The following AP4E1 variants were observed in gnomAD, a reference collection of about 807,000 sequenced individuals.
AP4E1 encodes the protein AP-4 complex subunit epsilon-1.
A neutral mutation model predicts 128.2 loss-of-function variants in AP4E1; 56 were observed. The observed-to-expected ratio is 0.44, with a 90% CI of 0.35 to 0.55. The LOEUF is 0.55. Ranked by LOEUF, AP4E1 falls within the 20% of genes least tolerant of loss-of-function variation. The pLI is 0.00. For missense variants in AP4E1, 1,324 were observed against 1,307.7 expected (o/e 1.01, Z -0.19); for synonymous variants, 484 against 473.1 (o/e 1.02, Z -0.30).
intron 8 of AP4E1, among the ~76,000 whole-genome samples, chr15:50,935,283 T>G (rs2063892763): frequency 6.6e-6 from 1 of 151,750 alleles, no homozygotes; most frequent in Admixed American, 6.6e-5. Context: ...GAGAAAGAAA[T>G]ATTTAAGAAG....
chr15:50,980,385 G>A (rs2064626916), intron 15 of AP4E1, among the ~76,000 whole-genome samples: 2 of 152,176 alleles, frequency 1.3e-5, no homozygotes, highest in Admixed American at 6.5e-5. Flanking sequence ...TATTGAAGGA[G>A]CTGTATGGCT....
chr15:50,986,271 C>T (rs1595573607), intron 16 of AP4E1, among the ~76,000 whole-genome samples: 2 of 152,282 alleles, frequency 1.3e-5, no homozygotes, highest in East Asian at 3.9e-4. Context: ...AATTTGACTT[C>T]CTCTTTTCCT....
intron 15 of AP4E1, among the ~76,000 whole-genome samples, chr15:50,976,514 G>C (rs779186113): frequency 4.6e-5 from 7 of 152,162 alleles, no homozygotes; most frequent in Non-Finnish European, 7.3e-5. Context: ...AGTCAACACA[G>C]TACTGGAAGT....
chr15:50,908,593 C>G (rs139243461), upstream of AP4E1: 24,222 of 728,774 alleles, frequency 0.033, 450 homozygotes, highest in Non-Finnish European at 0.036. Flanking sequence ...CCCCCGCGGT[C>G]TCTTGCGCCC....
intron 3 of AP4E1, among the ~76,000 whole-genome samples, chr15:50,917,396 T>C (rs1232975064): frequency 6.6e-6 from 1 of 152,230 alleles, no homozygotes; most frequent in Non-Finnish European, 1.5e-5. Context: ...CTGTTCTGCT[T>C]CTCAATTTCT....
At chr15:50,990,344 T>TTTATTATTA (rs67379169) in intron 16 of AP4E1, among the ~76,000 whole-genome samples, 21,589 of 140,938 alleles carry the variant, frequency 0.15, 1,733 homozygotes, top group Middle Eastern at 0.17. Context: ...ATTTATTTAA[T>TTTATTATTA]TTATTATTAT....
chr15:50,918,292 T>C (rs1341884092), intron 3 of AP4E1, among the ~76,000 whole-genome samples: 1 of 152,164 alleles, frequency 6.6e-6, no homozygotes, highest in Non-Finnish European at 1.5e-5. Flanking sequence ...CCTGGGAACC[T>C]GTTTAAATAT....
At chr15:50,923,838 A>G (rs925373460) in intron 3 of AP4E1, 93 bp from the exon 4 acceptor site, 16 of 892,966 alleles carry the variant, frequency 1.8e-5, no homozygotes, top group African/African-American at 9.9e-5. Flanking sequence ...TGTAACTGGT[A>G]TCTTTGATAC....
chr15:50,915,642 T>C, intron 3 of AP4E1, 71 bp downstream of exon 3: 2 of 1,495,550 alleles, frequency 1.3e-6, no homozygotes, highest in Non-Finnish European at 1.9e-6. Context: ...ACAAAATGAA[T>C]GATGGCATGT....
chr15:50,963,453 A>C (rs889614226), intron 14 of AP4E1, among the ~76,000 whole-genome samples: 2 of 152,182 alleles, frequency 1.3e-5, no homozygotes, highest in African/African-American at 4.8e-5. Context: ...TTATTTCACT[A>C]TGAAGTAAAA....
intron 15 of AP4E1, among the ~76,000 whole-genome samples, chr15:50,981,695 G>A (rs536458032): frequency 1.3e-5 from 2 of 152,360 alleles, no homozygotes; most frequent in African/African-American, 4.8e-5. Flanking sequence ...CAGTGAAACA[G>A]TGTTGGGAGG....
chr15:50,950,618 T>A (rs1054338849), intron 13 of AP4E1, among the ~76,000 whole-genome samples: 1 of 152,190 alleles, frequency 6.6e-6, no homozygotes, highest in Non-Finnish European at 1.5e-5. Flanking sequence ...TTTTATTTTA[T>A]TTTATTTTTT....
intron 15 of AP4E1, among the ~76,000 whole-genome samples, chr15:50,983,602 C>CT (rs2064672370): frequency 1.3e-5 from 2 of 152,126 alleles, no homozygotes; most frequent in South Asian, 2.1e-4. Flanking sequence ...GTTGAGGACT[C>CT]TATCAATCCA....
chr15:50,986,409 GT>G (rs1347602285), intron 16 of AP4E1, among the ~76,000 whole-genome samples: 1 of 152,148 alleles, frequency 6.6e-6, no homozygotes, highest in Admixed American at 6.5e-5. Context: ...AATGCTTCCA[GT>G]TTTTGCCCAT....
chr15:50,955,574 G>A (rs888346363), intron 13 of AP4E1, among the ~76,000 whole-genome samples: 3 of 152,200 alleles, frequency 2.0e-5, no homozygotes, highest in South Asian at 2.1e-4. Flanking sequence ...CTTCAGTTCT[G>A]TGGCCTATAC....
chr15:50,946,119 A>T (rs1344633624), intron 10 of AP4E1: 2 of 542,322 alleles, frequency 3.7e-6, no homozygotes, highest in Non-Finnish European at 6.6e-6. Flanking sequence ...GTAGAGCTTT[A>T]TTGTTGCTCC....
intron 17 of AP4E1, among the ~76,000 whole-genome samples, chr15:50,995,114 C>A (rs1429097651): frequency 1.3e-5 from 2 of 152,108 alleles, no homozygotes; most frequent in African/African-American, 4.8e-5. Context: ...CAGCCCCGAC[C>A]CTTCCTCTGA....
At chr15:50,949,725 A>G in intron 11 of AP4E1, 101 bp from the exon 12 acceptor site, 1 of 896,032 alleles carries the variant, frequency 1.1e-6, no homozygotes, top group Non-Finnish European at 1.8e-6. Flanking sequence ...TAAAACTGCC[A>G]TACTAGGATG....
At chr15:50,934,037 T>C (rs1208147917) in intron 7 of AP4E1, among the ~76,000 whole-genome samples, 1 of 152,092 alleles carries the variant, frequency 6.6e-6, no homozygotes, top group Non-Finnish European at 1.5e-5. Flanking sequence ...CACTTTTTTT[T>C]TCCCACAGTA....
Sources: gnomAD v4.1 joint callset for allele counts (sites outside exome capture counted in the v4.1 genomes callset) on GRCh38, gnomAD v4.1.1 for gene constraint, MANE v1.5 for transcripts, NCBI Gene and HGNC (gene_info 2026-07-23, HGNC 2026-07-21) for gene names.